Variants in DYNC1H1 observed in about 807,000 individuals in gnomAD.
DYNC1H1 encodes dynein cytoplasmic 1 heavy chain 1, also known as cytoplasmic dynein 1 heavy chain 1.
In DYNC1H1, 51 loss-of-function variants were observed where a neutral mutation model predicts 527.1. That is an observed-to-expected ratio of 0.10 (90% CI 0.08 to 0.12). The LOEUF (loss-of-function observed/expected upper bound fraction) is 0.12, where lower values mean the gene tolerates loss of function less well. Among genes scored for constraint, DYNC1H1 ranks in the 10% least tolerant of loss-of-function variants. The pLI is 1.00. For synonymous variants in DYNC1H1, 2,189 were observed against 2,278.8 expected (o/e 0.96, Z 1.12); for missense variants, 2,771 against 5,971.8 (o/e 0.46, Z 17.66).
chr14:102,014,918 T>C (rs1395245363), intron 34 of DYNC1H1, among the ~76,000 whole-genome samples, 187 bp from the exon 35 acceptor site: 1 of 152,136 alleles, frequency 6.6e-6, no homozygotes, highest in Non-Finnish European at 1.5e-5. Flanking sequence ...CAGGCTCAAG[T>C]GATTCTTCTC....
At position 102,039,236 on chromosome 14, in the gene DYNC1H1, C is replaced by T. The variant is rs1264641232; in HGVS notation, c.11442C>T (p.Thr3814=). 6.2e-7 allele frequency: 1 copy of T among 1,613,704 alleles called. No homozygotes were observed. Among genetic ancestry groups the T allele is most frequent in the Admixed American group, 1.7e-5 (1 of 60,028 alleles). ...CCGCCTGCAGCAGCATCTACTTCAC[C>T]ATGGAGTCCCTCAAGCAGGTGGGTG... ...LSTACSSIYF[T]MESLKQIHFL... The change falls in exon 60 of 78, where the codon ACC becomes ACT. Residue 3814 remains threonine, a synonymous_variant. Coordinates refer to ENST00000360184, the MANE Select transcript of DYNC1H1 (RefSeq NM_001376.5). This position sits in a 1 kb window ranked among gnomAD's most constrained non-coding sequence, Gnocchi z 7.0.
intron 29 of DYNC1H1, 96 bp downstream of exon 29, chr14:102,008,433 A>C: frequency 6.6e-7 from 1 of 1,504,040 alleles, no homozygotes; most frequent in Non-Finnish European, 9.0e-7. Context: ...ATAAGCAAGA[A>C]TTTAGCTCAC....
intron 16 of DYNC1H1, among the ~76,000 whole-genome samples, chr14:101,998,355 C>T (rs996271711): frequency 6.6e-6 from 1 of 151,198 alleles, no homozygotes; most frequent in Admixed American, 6.6e-5. Context: ...GGACCCCTCT[C>T]CCCTCTATAA....
At position 102,036,791 on chromosome 14, in the gene DYNC1H1, G is replaced by GAATC; in HGVS notation, c.10908+151_10908+154dup. ...GGTTCTGTAATAGATAAATTCAACA[G>GAATC]AATCATTATTTGCATTTAAAATTCT... On this transcript the variant is annotated intron_variant, in intron 57 of 77. Coordinates refer to ENST00000360184, the MANE Select transcript of DYNC1H1 (RefSeq NM_001376.5). This position sits in a 1 kb window ranked among gnomAD's most constrained non-coding sequence, Gnocchi z 5.6. The GAATC allele has an allele frequency of 1.8e-6, 2 of 1,103,478 alleles. No homozygotes were observed. Among genetic ancestry groups the GAATC allele is most frequent in the South Asian group, 2.6e-5 (2 of 78,406 alleles). The allele number at this position is 1,103,478 out of a possible 1,614,324, so 68.4% of individuals were successfully genotyped here. A position where few individuals can be genotyped will look rare whatever the true frequency, so the allele number is the denominator to read the frequency against.
chr14:102,040,549 C>G, intron 63 of DYNC1H1, 49 bp from the exon 64 acceptor site: 1 of 1,613,300 alleles, frequency 6.2e-7, no homozygotes. Context: ...TGGGTTCTGC[C>G]CCAGAGGCCA....
rs2048070634 is a variant in DYNC1H1, at chr14:101,997,026, C to T, written c.3565-9C>T. 1 of 1,612,472 alleles carries T rather than the reference C, an allele frequency of 6.2e-7. No individual in the cohort carries two copies. The highest frequency in any genetic ancestry group is 2.2e-5 in the East Asian group (1 of 44,842). ...AGAAAAAACTTGATTTATTTTTTAA[C>T]TCTCAAAGCTCTACCGCAATGGCCA... is the stretch of plus-strand genomic sequence containing the variant. On this transcript the variant is annotated splice_polypyrimidine_tract_variant and intron_variant, in intron 15 of 77. Coordinates refer to ENST00000360184, the MANE Select transcript of DYNC1H1 (RefSeq NM_001376.5). This position sits in a 1 kb window ranked among gnomAD's most constrained non-coding sequence, Gnocchi z 4.8.
chr14:102,049,141 A>G lies in DYNC1H1; in HGVS notation c.13373-299A>G. The G allele has an allele frequency of 2.1e-6, 1 of 479,388 alleles. No individual in the cohort carries two copies. 29.7% of individuals were successfully genotyped at this position (479,388 alleles called of 1,614,324 possible). On this transcript the variant is annotated intron_variant, in intron 74 of 77. Transcript: ENST00000360184. The surrounding 1 kb of genome is among the most constrained non-coding windows in gnomAD (Gnocchi z 5.5). The stretch of plus-strand genomic sequence containing the variant: ...AGGAACACTGAGCCACTTGTGTGAC[A>G]TGAGGTTTTAGCCGCGGTTTTGCTT...
At position 102,053,753 on chromosome 14, in the gene DYNC1H1, T is replaced by TTTTTTTG. The variant is rs1555413069; in HGVS notation, c.*3196_*3197insGTTTTTT. The TTTTTTTG allele has an allele frequency of 1.1e-4, 15 of 133,096 alleles. No individual in the cohort carries two copies. The highest frequency in any genetic ancestry group is 4.2e-4 in the African/African-American group (14 of 33,690). 8.2% of individuals were successfully genotyped at this position (133,096 alleles called of 1,614,324 possible). A position where few individuals can be genotyped will look rare whatever the true frequency, so the allele number is the denominator to read the frequency against. The stretch of plus-strand genomic sequence containing the variant: ...CACCACACTCGGCCTCTTTGTTTGT[T>TTTTTTTG]TTTTTTTTTTTTTGAGACAGTCTGG... On this transcript the variant is annotated 3_prime_UTR_variant, in exon 78 of 78. Coordinates refer to ENST00000360184, the MANE Select transcript of DYNC1H1 (RefSeq NM_001376.5).
In DYNC1H1 at chr14:102,056,092, A is replaced by G. The variant is rs1182379475; in HGVS notation, c.*5529A>G. On this transcript the variant is annotated 3_prime_UTR_variant, in exon 78 of 78. Transcript: ENST00000360184. Reference sequence around the variant, plus strand: ...TTTAAGAAAAAAACGAAGTGAAATCAAAGACAGGCAGCCCGGCGCCAGGCC... The same window carrying G: ...TTTAAGAAAAAAACGAAGTGAAATCGAAGACAGGCAGCCCGGCGCCAGGCC... The G allele has an allele frequency of 6.6e-6, 1 of 152,224 alleles. No homozygotes were observed. The highest frequency in any genetic ancestry group is 1.5e-5 in the Non-Finnish European group (1 of 68,044). 9.4% of individuals were successfully genotyped at this position (152,224 alleles called of 1,614,324 possible).
intron 1 of DYNC1H1, among the ~76,000 whole-genome samples, chr14:101,971,610 A>G (rs755412003): frequency 6.6e-6 from 1 of 152,108 alleles, no homozygotes; most frequent in East Asian, 1.9e-4. Flanking sequence ...ACTGTATCCC[A>G]GCTACTCAGG....
intron 12 of DYNC1H1, 37 bp from the exon 13 acceptor site, chr14:101,994,636 A>G: frequency 6.2e-7 from 1 of 1,612,486 alleles, no homozygotes; most frequent in South Asian, 1.1e-5. Flanking sequence ...CAAAATGAAA[A>G]CTCAAACTAT....
Position 101,997,337 on chromosome 14 carries a change from C to T in DYNC1H1, c.3804+63C>T. On this transcript the variant is annotated intron_variant, in intron 16 of 77. Transcript: ENST00000360184. The surrounding 1 kb of genome is among the most constrained non-coding windows in gnomAD (Gnocchi z 4.8). ...CCCAGCAGTGTGATTTGGTGACTTT[C>T]TTTCAAGCCTAAAAGGCCTTGCTGT... 1 of 1,611,502 alleles carries T rather than the reference C, an allele frequency of 6.2e-7. No homozygotes were observed. Among genetic ancestry groups the T allele is most frequent in the South Asian group, 1.1e-5 (1 of 90,288 alleles).
Position 102,044,233 on chromosome 14 carries a change from G to A in DYNC1H1, c.12685-41G>A, listed in dbSNP as rs370208361. ...TCGAAAGGAAGCCCCGGGCCTGCCC[G>A]CCTCTGACCACACACACGAACCCTG... is the stretch of plus-strand genomic sequence containing the variant. On this transcript the variant is annotated intron_variant, in intron 70 of 77. Transcript: ENST00000360184. This position sits in a 1 kb window ranked among gnomAD's most constrained non-coding sequence, Gnocchi z 7.1. 9.8e-5 allele frequency: 158 copies of A among 1,610,766 alleles called. No homozygotes were observed. Among genetic ancestry groups the A allele is most frequent in the Non-Finnish European group, 1.3e-4 (149 of 1,178,914 alleles).
intron 34 of DYNC1H1, among the ~76,000 whole-genome samples, chr14:102,014,056 T>C (rs1738636021): frequency 6.6e-6 from 1 of 152,208 alleles, no homozygotes; most frequent in South Asian, 2.1e-4. Flanking sequence ...AGTGTGCACT[T>C]ACTCCAACAA....
rs770451110 is a variant in DYNC1H1, at chr14:102,042,654, G to A, written c.12419G>A (p.Arg4140His). The A allele has an allele frequency of 6.2e-6, 10 of 1,614,158 alleles. No homozygotes were observed. Among genetic ancestry groups the A allele is most frequent in the East Asian group, 2.2e-5 (1 of 44,876 alleles). The change falls in exon 69 of 78, where the codon CGT (arginine) becomes CAT (histidine). Residue 4140 changes from arginine (R) to histidine (H), a missense_variant. Arg to His is a conservative substitution (Grantham distance 29). Coordinates refer to ENST00000360184, the MANE Select transcript of DYNC1H1 (RefSeq NM_001376.5). The surrounding 1 kb of genome is among the most constrained non-coding windows in gnomAD (Gnocchi z 5.7). ...INPKVPVNLL[R>H]AGRIFVFEPP... ...CCTTAGGTGCCTGTGAATCTGCTCCGTGCGGGCCGCATCTTTGTGTTCGAG... is the reference window on the plus strand; with the variant it reads ...CCTTAGGTGCCTGTGAATCTGCTCCATGCGGGCCGCATCTTTGTGTTCGAG...
Position 101,994,655 on chromosome 14 carries a change from T to C in DYNC1H1, c.3157-18T>C, listed in dbSNP as rs1004309478. 2 of 1,613,938 alleles carry C rather than the reference T, an allele frequency of 1.2e-6. No individual in the cohort carries two copies. The highest frequency in any genetic ancestry group is 2.7e-5 in the African/African-American group (2 of 75,064). ...ATGAAAACTCAAACTATTATTTAAC[T>C]GTGTTCTTCATTTGCAGGTTTGGCT... On this transcript the variant is annotated intron_variant, in intron 12 of 77. Coordinates refer to ENST00000360184, the MANE Select transcript of DYNC1H1 (RefSeq NM_001376.5).
chr14:102,042,954 AGGT>A lies in DYNC1H1; in HGVS notation c.12513+209_12513+211del. On this transcript the variant is annotated intron_variant, in intron 69 of 77. Transcript: ENST00000360184. This position sits in a 1 kb window ranked among gnomAD's most constrained non-coding sequence, Gnocchi z 5.7. ...GTAATCCTAGCACTTTGGAAGGTCG[AGGT>A]GGGAGGATCACTTGAGCCCAGGAGT... The A allele has an allele frequency of 1.6e-6, 1 of 626,702 alleles. No individual in the cohort carries two copies. The highest frequency in any genetic ancestry group is 1.7e-5 in the South Asian group (1 of 57,382). 38.8% of individuals were successfully genotyped at this position (626,702 alleles called of 1,614,324 possible). A position where few individuals can be genotyped will look rare whatever the true frequency, so the allele number is the denominator to read the frequency against.
In DYNC1H1 at chr14:102,006,269, C is replaced by T. The variant is rs750248156; in HGVS notation, c.5716+99C>T. On this transcript the variant is annotated intron_variant, in intron 27 of 77. Coordinates refer to ENST00000360184, the MANE Select transcript of DYNC1H1 (RefSeq NM_001376.5). ...TGTACTTCTTTTTGAGATGGAGTGT[C>T]TGTCGCCCAGGCTGGAGCACAGTGG... 13 of 1,547,350 alleles carry T rather than the reference C, an allele frequency of 8.4e-6. 1 individual carries two copies. The South Asian group carries it at 1.4e-4, about 17-fold the overall frequency.
chr14:101,995,899 A>G (rs2048055650), intron 15 of DYNC1H1, among the ~76,000 whole-genome samples: 1 of 151,220 alleles, frequency 6.6e-6, no homozygotes. Context: ...CATCTCTACA[A>G]AAAATATACA....
Sources: allele counts gnomAD v4.1 joint callset (sites outside exome capture counted in the v4.1 genomes callset), GRCh38; gene constraint gnomAD v4.1.1; non-coding constraint Gnocchi (gnomAD v3.1); transcripts MANE v1.5; gene names NCBI Gene and HGNC (gene_info 2026-07-23, HGNC 2026-07-21).